Variants in VPS50 observed in about 807,000 individuals in gnomAD.
VPS50 encodes VPS50 subunit of EARP/GARPII complex, also known as syndetin.
A neutral mutation model predicts 139.7 loss-of-function variants in VPS50; 70 were observed. That is an observed-to-expected ratio of 0.50 (90% CI 0.41 to 0.61). The LOEUF (loss-of-function observed/expected upper bound fraction) is 0.61, where lower values mean the gene tolerates loss of function less well. Ranked by LOEUF, VPS50 falls within the 20% of genes least tolerant of loss-of-function variation. VPS50 has a pLI of 0.00. For missense variants in VPS50, 921 were observed against 1,133.7 expected (o/e 0.81, Z 2.69); for synonymous variants, 365 against 376.7 (o/e 0.97, Z 0.36).
chr7:93,266,607 T>C (rs926577639), intron 9 of VPS50, among the ~76,000 whole-genome samples: 3 of 152,220 alleles, frequency 2.0e-5, no homozygotes, highest in Non-Finnish European at 1.5e-5. Flanking sequence ...CTTTGCAGAA[T>C]TGTTTGATTC....
At position 93,359,285 on chromosome 7, in the gene VPS50, G is replaced by A. The variant is rs748572862; in HGVS notation, c.*849G>A. On this transcript the variant is annotated 3_prime_UTR_variant, in exon 28 of 28. Coordinates refer to ENST00000305866, the MANE Select transcript of VPS50 (RefSeq NM_017667.4). Reference sequence around the variant, plus strand: ...TAAATTCAGATTTTGTCTTAGGACAGTAAAACCCAGGTTGACTGACTCAGG... The same window carrying A: ...TAAATTCAGATTTTGTCTTAGGACAATAAAACCCAGGTTGACTGACTCAGG... 1 of 152,084 alleles carries A rather than the reference G, an allele frequency of 6.6e-6. No individual in the cohort carries two copies. The highest frequency in any genetic ancestry group is 1.5e-5 in the Non-Finnish European group (1 of 68,020). The allele number at this position is 152,084 out of a possible 1,614,324, so 9.4% of individuals were successfully genotyped here.
chr7:93,266,037 A>G (rs887697293), intron 9 of VPS50, among the ~76,000 whole-genome samples: 3 of 152,214 alleles, frequency 2.0e-5, no homozygotes, highest in African/African-American at 7.2e-5. Flanking sequence ...AGAATGTTGA[A>G]AAATCAGTTT....
At chr7:93,269,611 T>A (rs1795945590) in intron 9 of VPS50, among the ~76,000 whole-genome samples, 1 of 152,100 alleles carries the variant, frequency 6.6e-6, no homozygotes, top group Admixed American at 6.6e-5. Flanking sequence ...CAGATTGCTA[T>A]CTATGTCTAT....
In VPS50 at chr7:93,349,940, T is replaced by C. The variant is rs1798510362; in HGVS notation, c.2370T>C (p.Asp790=). The C allele has an allele frequency of 6.2e-7, 1 of 1,613,372 alleles. No homozygotes were observed. Reference sequence around the variant, plus strand: ...GGATTGTAGCTGGTAAAGCCCTTGATTATGAACAGATGCTGCTTCTCATGG... The same window carrying C: ...GGATTGTAGCTGGTAAAGCCCTTGACTATGAACAGATGCTGCTTCTCATGG... ...IYWIVAGKAL[D]YEQMLLLMAN... The change falls in exon 25 of 28, where the codon GAT becomes GAC. Residue 790 remains aspartate (D), a synonymous_variant. Transcript: ENST00000305866.
chr7:93,258,319 G>A lies in VPS50; in HGVS notation c.541-38G>A. On this transcript the variant is annotated intron_variant, in intron 7 of 27. Coordinates refer to ENST00000305866, the MANE Select transcript of VPS50 (RefSeq NM_017667.4). ...AAAAAAATTAAAACTGAATTTTGTG[G>A]TTGAAACAGATTTTACCTTTGATTT... 1.9e-6 allele frequency: 3 copies of A among 1,607,006 alleles called. No homozygotes were observed. The African/African-American group carries it at 4.0e-5, about 21-fold the overall frequency.
chr7:93,328,220 T>C (rs1162484493), intron 21 of VPS50, among the ~76,000 whole-genome samples: 4 of 152,218 alleles, frequency 2.6e-5, no homozygotes, highest in African/African-American at 4.8e-5. Context: ...CTTTGGTCTT[T>C]CTGGTTCACA....
chr7:93,357,393 G>A (rs1798737037), intron 27 of VPS50, among the ~76,000 whole-genome samples: 1 of 152,040 alleles, frequency 6.6e-6, no homozygotes, highest in Non-Finnish European at 1.5e-5. Context: ...ACTCTTTTCT[G>A]TCTTTGAAGG....
intron 21 of VPS50, among the ~76,000 whole-genome samples, chr7:93,326,715 A>G (rs978538488): frequency 1.3e-5 from 2 of 152,046 alleles, no homozygotes; most frequent in Non-Finnish European, 2.9e-5. Flanking sequence ...TGGTTTGCAT[A>G]GATGTTTGAC....
In VPS50 at chr7:93,253,930, C is replaced by T; in HGVS notation, c.296C>T (p.Ala99Val). 1 of 1,549,340 alleles carries T rather than the reference C, an allele frequency of 6.5e-7. No individual in the cohort carries two copies. The highest frequency in any genetic ancestry group is 8.8e-7 in the Non-Finnish European group (1 of 1,131,114). ...GACAAATTGAAACAACAGCAAGCTG[C>T]AGTAAGTAAAAAAAAAACACATTTC... is the stretch of plus-strand genomic sequence containing the variant. ...YRDKLKQQQAAVSKKVADLIL... is the reference protein window; with the variant it reads ...YRDKLKQQQAVVSKKVADLIL... The change falls in exon 4 of 28, where the codon GCA becomes GTA. Residue 99 changes from alanine to valine, a missense_variant and splice_region_variant. Ala to Val is a moderately conservative substitution (Grantham distance 64). Coordinates refer to ENST00000305866, the MANE Select transcript of VPS50 (RefSeq NM_017667.4).
intron 12 of VPS50, among the ~76,000 whole-genome samples, chr7:93,286,241 C>T (rs1382212956): frequency 6.6e-6 from 1 of 152,062 alleles, no homozygotes; most frequent in African/African-American, 2.4e-5. Context: ...GGATGTCTTA[C>T]TATGTGAATA....
At chr7:93,274,018 T>G (rs73415362) in intron 11 of VPS50, among the ~76,000 whole-genome samples, 10,289 of 152,136 alleles carry the variant, frequency 0.068, 725 homozygotes, top group African/African-American at 0.18. Context: ...ATGGTGAACT[T>G]AATTCACAAA....
In VPS50 at chr7:93,322,271, G is replaced by A. The variant is rs531831588; in HGVS notation, c.1856-1340G>A. On this transcript the variant is annotated intron_variant, in intron 20 of 27. Coordinates refer to ENST00000305866, the MANE Select transcript of VPS50 (RefSeq NM_017667.4). ...GAGTACATTTGTCATTTCTTGTACT[G>A]CAGTAAATGTGTTTTGAGTCATGAT... is the stretch of plus-strand genomic sequence containing the variant. Among the ~76,000 whole-genome samples the A allele has an allele frequency of 1.1e-4, 17 of 152,266 alleles. No homozygotes were observed. The South Asian group carries it at 1.7e-3, about 15-fold the overall frequency.
intron 21 of VPS50, among the ~76,000 whole-genome samples, chr7:93,331,793 G>T (rs143818006): frequency 1.1e-4 from 16 of 152,232 alleles, no homozygotes; most frequent in African/African-American, 3.1e-4. Context: ...GAAAAGGCAA[G>T]TCAGACCAGG....
chr7:93,348,214 C>G (rs1287905517), intron 23 of VPS50, among the ~76,000 whole-genome samples: 1 of 152,112 alleles, frequency 6.6e-6, no homozygotes, highest in East Asian at 1.9e-4. Flanking sequence ...ATTCCTGTAC[C>G]CAGCCTCTGG....
Position 93,235,793 on chromosome 7 carries a change from G to A in VPS50, c.33+3293G>A, listed in dbSNP as rs191410982. On this transcript the variant is annotated intron_variant, in intron 1 of 27. Transcript: ENST00000305866. ...AATATTCAACTGGAGAGATACAGCA[G>A]GCAGTTGGCCAGATGAATCTGAATT... 7.9e-5 allele frequency among the ~76,000 whole-genome samples: 12 copies of A among 152,342 alleles called. No individual in the cohort carries two copies. The East Asian group carries it at 2.3e-3, about 29-fold the overall frequency.
chr7:93,277,106 G>A (rs1011976340), intron 12 of VPS50, among the ~76,000 whole-genome samples: 2 of 152,076 alleles, frequency 1.3e-5, no homozygotes, highest in African/African-American at 4.8e-5. Context: ...AGACATGAGG[G>A]CCCTGGGTCT....
At chr7:93,286,401 T>C (rs926156810) in intron 12 of VPS50, among the ~76,000 whole-genome samples, 3 of 152,170 alleles carry the variant, frequency 2.0e-5, no homozygotes, top group African/African-American at 7.2e-5. Context: ...TGAGTTTCAA[T>C]GTTAGGTATT....
At chr7:93,347,667 TC>T (rs1273665218) in intron 23 of VPS50, among the ~76,000 whole-genome samples, 2 of 148,134 alleles carry the variant, frequency 1.4e-5, no homozygotes, top group Non-Finnish European at 3.0e-5. Context: ...TGAGTTCATG[TC>T]CTTTGTAGGG....
Position 93,275,856 on chromosome 7 carries a change from G to T in VPS50, c.802-309G>T, listed in dbSNP as rs1796137978. ...GAATACATGCAGAATGATGCAGAGG[G>T]TAATTAGAGATATGGTTGTGTACAA... On this transcript the variant is annotated intron_variant, in intron 11 of 27. Transcript: ENST00000305866. 1.1e-5 allele frequency: 3 copies of T among 265,200 alleles called. No individual in the cohort carries two copies. In the South Asian group the frequency reaches 2.3e-4, roughly 20 times the overall value. The allele number at this position is 265,200 out of a possible 1,614,324, so 16.4% of individuals were successfully genotyped here.
Sources: gnomAD v4.1 joint callset for allele counts (sites outside exome capture counted in the v4.1 genomes callset) on GRCh38, gnomAD v4.1.1 for gene constraint, MANE v1.5 for transcripts, NCBI Gene and HGNC (gene_info 2026-07-23, HGNC 2026-07-21) for gene names.